Variants in MTRF1 observed in about 807,000 individuals in gnomAD.
MTRF1 encodes the protein peptide chain release factor 1, mitochondrial.
Under a neutral mutation model 62.9 loss-of-function variants are expected in MTRF1, and 51 were observed. The ratio of observed to expected loss-of-function variants is 0.81; its 90% CI spans 0.65 to 1.02. The LOEUF (loss-of-function observed/expected upper bound fraction) is 1.02, where lower values mean the gene tolerates loss of function less well. MTRF1 is among the 50% of genes least tolerant of loss of function. The pLI, the probability that MTRF1 is intolerant of heterozygous loss-of-function variation, is 0.00. For missense variants in MTRF1, 446 were observed against 530.0 expected (o/e 0.84, Z 1.56); for synonymous variants, 158 against 181.9 (o/e 0.87, Z 1.06).
Position 41,240,379 on chromosome 13 carries a change from A to G in MTRF1, c.752T>C (p.Leu251Ser). The change falls in exon 6 of 10, where the codon TTG becomes TCG. Residue 251 changes from leucine to serine, a missense_variant. Transcript: ENST00000379480. ...TCGGTGAATCCCACCCTCATACTTC[A>G]AATGCTTATAGACACCGTCACCGGA... ...RISGDGVYKH[L>S]KYEGGIHRVQ... 1.2e-6 allele frequency: 2 copies of G among 1,613,828 alleles called. No individual in the cohort carries two copies. Among genetic ancestry groups the G allele is most frequent in the Non-Finnish European group, 1.7e-6 (2 of 1,179,862 alleles).
intron 6 of MTRF1, among the ~76,000 whole-genome samples, chr13:41,237,369 GAGAAA>G (rs760991875): frequency 1.3e-5 from 2 of 151,518 alleles, no homozygotes; most frequent in Non-Finnish European, 2.9e-5. Flanking sequence ...TTAAGTAAAA[GAGAAA>G]AGAAAAATCA....
Position 41,254,528 on chromosome 13 carries a change from C to G in MTRF1, c.507+1G>C, listed in dbSNP as rs745328838. On this transcript the variant is annotated splice_donor_variant, in intron 3 of 9. Coordinates refer to ENST00000379480, the MANE Select transcript of MTRF1 (RefSeq NM_004294.4). LOFTEE classifies it high-confidence loss of function. ...AAACTAGTCGACCTCTGAAAACCTA[C>G]CTCATTGTACAACATGTTGATTTTT... 1 of 1,611,828 alleles carries G rather than the reference C, an allele frequency of 6.2e-7. No homozygotes were observed. Among genetic ancestry groups the G allele is most frequent in the Non-Finnish European group, 8.5e-7 (1 of 1,178,354 alleles).
At chr13:41,273,269 T>C in the MTRF1 span, among the ~76,000 whole-genome samples, 6 of 149,024 alleles carry the variant, frequency 4.0e-5, no homozygotes, top group Admixed American at 2.0e-4. Flanking sequence ...GAGGTTGCAG[T>C]GAGCCGAGAT....
the MTRF1 span, among the ~76,000 whole-genome samples, chr13:41,303,053 A>G: frequency 6.6e-6 from 1 of 152,176 alleles, no homozygotes; most frequent in African/African-American, 2.4e-5. Flanking sequence ...CATACATTCC[A>G]GATAAGAAAT....
the MTRF1 span, among the ~76,000 whole-genome samples, chr13:41,301,778 C>T: frequency 1.3e-5 from 2 of 151,940 alleles, no homozygotes; most frequent in Non-Finnish European, 2.9e-5. Context: ...AGGACCAGAG[C>T]TGCACAGAAA....
intron 2 of MTRF1, among the ~76,000 whole-genome samples, chr13:41,255,297 GC>G (rs1188168833): frequency 8.5e-5 from 13 of 152,172 alleles, no homozygotes; most frequent in Admixed American, 5.2e-4. Context: ...GTACACTACA[GC>G]CTCAAACTCC....
At chr13:41,305,019 A>C in the MTRF1 span, among the ~76,000 whole-genome samples, 1 of 152,244 alleles carries the variant, frequency 6.6e-6, no homozygotes, top group African/African-American at 2.4e-5. Context: ...CACAGAAGCC[A>C]AATCTTAAGT....
At position 41,233,931 on chromosome 13, in the gene MTRF1, T is replaced by A; in HGVS notation, c.947A>T (p.Asn316Ile). 1 of 1,614,188 alleles carries A rather than the reference T, an allele frequency of 6.2e-7. No individual in the cohort carries two copies. The highest frequency in any genetic ancestry group is 8.5e-7 in the Non-Finnish European group (1 of 1,179,998). Reference sequence around the variant, plus strand: ...AAGTCTGACGGCACTATCAGTTTTATTAACATGCTGCCCTCCTGCTCCTTT... The same window carrying A: ...AAGTCTGACGGCACTATCAGTTTTAATAACATGCTGCCCTCCTGCTCCTTT... ...RAKGAGGQHV[N>I]KTDSAVRLVH... The change falls in exon 7 of 10, where the codon AAT becomes ATT. Residue 316 changes from asparagine to isoleucine, a missense_variant. Asn to Ile is a moderately radical substitution (Grantham distance 149). Transcript: ENST00000379480.
intron 9 of MTRF1, among the ~76,000 whole-genome samples, chr13:41,221,385 C>A (rs1174644575): frequency 6.6e-6 from 1 of 152,008 alleles, no homozygotes; most frequent in Non-Finnish European, 1.5e-5. Flanking sequence ...GGTCTCGATT[C>A]CTGACCTCGT....
upstream of MTRF1, among the ~76,000 whole-genome samples, chr13:41,266,777 G>C (rs111332432): frequency 0.031 from 4,759 of 152,112 alleles, 246 homozygotes; most frequent in African/African-American, 0.11. Flanking sequence ...TGGATCACGA[G>C]GTCAGGAGAT....
the MTRF1 span, among the ~76,000 whole-genome samples, chr13:41,307,577 A>G: frequency 6.6e-6 from 1 of 151,812 alleles, no homozygotes; most frequent in African/African-American, 2.4e-5. Context: ...AGATCATGCC[A>G]GTGCACTCCA....
At chr13:41,281,951 A>G in the MTRF1 span, among the ~76,000 whole-genome samples, 1 of 152,036 alleles carries the variant, frequency 6.6e-6, no homozygotes, top group African/African-American at 2.4e-5. Context: ...CCTGGCTAAC[A>G]TGGTGAAACC....
At chr13:41,220,623 A>G (rs2033133581) in intron 9 of MTRF1, 7 of 1,286,572 alleles carry the variant, frequency 5.4e-6, no homozygotes, top group African/African-American at 1.5e-5. Flanking sequence ...CACGACTACC[A>G]CCCGTGGAAT....
chr13:41,265,874 G>T (rs1159792443), upstream of MTRF1, among the ~76,000 whole-genome samples: 1 of 151,910 alleles, frequency 6.6e-6, no homozygotes. Context: ...TTTTTGAGGT[G>T]GAGTCTCGCT....
intron 7 of MTRF1, among the ~76,000 whole-genome samples, chr13:41,232,879 A>C (rs1461251845): frequency 6.6e-6 from 1 of 152,208 alleles, no homozygotes; most frequent in African/African-American, 2.4e-5. Flanking sequence ...AACTTTTGGA[A>C]GATGTAAGCA....
chr13:41,234,249 C>T (rs1212076969), intron 6 of MTRF1, among the ~76,000 whole-genome samples: 7 of 152,220 alleles, frequency 4.6e-5, no homozygotes, highest in Admixed American at 4.6e-4. Flanking sequence ...ACAATCATAG[C>T]TCACTGTAAC....
At chr13:41,259,585 C>T (rs1056620493) in intron 2 of MTRF1, among the ~76,000 whole-genome samples, 1 of 151,618 alleles carries the variant, frequency 6.6e-6, no homozygotes, top group East Asian at 1.9e-4. Flanking sequence ...GCCTGTAGTC[C>T]CAGCTACTTG....
chr13:41,311,200 T>C, the MTRF1 span: 7 of 464,912 alleles, frequency 1.5e-5, no homozygotes, highest in Non-Finnish European at 2.7e-5. Context: ...CCGCAGCCCC[T>C]CGCCAAAGGG....
intron 6 of MTRF1, among the ~76,000 whole-genome samples, chr13:41,234,635 C>A (rs1020955290): frequency 5.9e-5 from 9 of 152,166 alleles, no homozygotes; most frequent in Admixed American, 3.9e-4. Context: ...TGTTGATTCT[C>A]ATTATTGTCA....
Sources: gnomAD v4.1 joint callset for allele counts (sites outside exome capture counted in the v4.1 genomes callset) on GRCh38, gnomAD v4.1.1 for gene constraint, MANE v1.5 for transcripts, NCBI Gene and HGNC (gene_info 2026-07-23, HGNC 2026-07-21) for gene names.